CDH12: variants seen among roughly 807,000 people sequenced by gnomAD.
CDH12 encodes the protein cadherin-12.
A neutral mutation model predicts 74.1 loss-of-function variants in CDH12; 41 were observed. The ratio of observed to expected loss-of-function variants is 0.55; its 90% CI spans 0.43 to 0.72. The LOEUF (loss-of-function observed/expected upper bound fraction) is 0.72. Among genes scored for constraint, CDH12 ranks in the 30% least tolerant of loss-of-function variants. CDH12 has a pLI of 0.00. For synonymous variants in CDH12, 399 were observed against 355.0 expected (o/e 1.12, Z -1.39); for missense variants, 945 against 977.2 (o/e 0.97, Z 0.44).
chr5:22,433,495 A>T (rs1561400575), intron 2 of CDH12, among the ~76,000 whole-genome samples: 1 of 152,088 alleles, frequency 6.6e-6, no homozygotes, highest in Non-Finnish European at 1.5e-5. Flanking sequence ...CAATCTGATA[A>T]ATTCAACAGA....
chr5:22,678,693 CT>C (rs1177060012), intron 1 of CDH12, among the ~76,000 whole-genome samples: 4 of 151,986 alleles, frequency 2.6e-5, no homozygotes, highest in African/African-American at 9.7e-5. Context: ...ATTTGAACTT[CT>C]TTAGTACTAG....
chr5:21,940,056 A>G (rs1755261816), intron 6 of CDH12, among the ~76,000 whole-genome samples: 1 of 151,932 alleles, frequency 6.6e-6, no homozygotes, highest in Non-Finnish European at 1.5e-5. Flanking sequence ...CTCCATCTCT[A>G]CTTAAAAAAA....
chr5:22,193,599 T>C (rs1383787489), intron 4 of CDH12, among the ~76,000 whole-genome samples: 1 of 152,160 alleles, frequency 6.6e-6, no homozygotes, highest in Non-Finnish European at 1.5e-5. Flanking sequence ...GAAATTATAG[T>C]TCATTTTTTA....
At chr5:21,776,422 T>C (rs1745592369) in intron 11 of CDH12, among the ~76,000 whole-genome samples, 1 of 151,992 alleles carries the variant, frequency 6.6e-6, no homozygotes, top group South Asian at 2.1e-4. Context: ...ACATAAAGAG[T>C]AGGTTTTTCT....
chr5:22,190,892 A>C (rs1376358132), intron 4 of CDH12, among the ~76,000 whole-genome samples: 1 of 152,176 alleles, frequency 6.6e-6, no homozygotes, highest in Non-Finnish European at 1.5e-5. Flanking sequence ...CTGTTGCCAA[A>C]TGAAGTTCAC....
At chr5:22,086,853 T>G (rs776723852) in intron 4 of CDH12, among the ~76,000 whole-genome samples, 9 of 152,330 alleles carry the variant, frequency 5.9e-5, no homozygotes, top group Non-Finnish European at 1.2e-4. Context: ...CACATCTTTA[T>G]TTTTGTGGTG....
chr5:22,329,368 G>A lies in CDH12; in HGVS notation c.-333+75889C>T, dbSNP rs111930294. Among the ~76,000 whole-genome samples, 144 of 152,256 alleles carry A rather than the reference G, an allele frequency of 9.5e-4. 2 individuals are homozygous for A. The highest frequency in any genetic ancestry group is 3.2e-3 in the African/African-American group (132 of 41,564). On this transcript the variant is annotated intron_variant, in intron 3 of 14. Transcript: ENST00000382254. ...AAAGTAAAAAGCTACAATGCTTCTT[G>A]AGTCACACAATTATTCAATCTCCGA...
intron 2 of CDH12, among the ~76,000 whole-genome samples, chr5:22,411,406 A>T (rs1440314050): frequency 6.6e-6 from 1 of 151,940 alleles, no homozygotes; most frequent in African/African-American, 2.4e-5. Flanking sequence ...AGTAAATGGT[A>T]GGAAAGAGGT....
chr5:22,065,510 G>C (rs1258118160), intron 5 of CDH12, among the ~76,000 whole-genome samples: 19 of 152,118 alleles, frequency 1.2e-4, no homozygotes, highest in Admixed American at 5.9e-4. Flanking sequence ...AATGTGAAAT[G>C]TCACAACTTT....
intron 3 of CDH12, among the ~76,000 whole-genome samples, chr5:22,298,482 C>G (rs1274281785): frequency 2.6e-5 from 4 of 152,008 alleles, no homozygotes; most frequent in Admixed American, 2.6e-4. Context: ...TGGCTTTCTA[C>G]TTTCTACTCT....
intron 2 of CDH12, among the ~76,000 whole-genome samples, chr5:22,425,073 T>TAGAG (rs1426811834): frequency 9.6e-6 from 1 of 103,786 alleles, no homozygotes; most frequent in Non-Finnish European, 1.8e-5. Flanking sequence ...TATATATATA[T>TAGAG]ATATAGAGAG....
intron 3 of CDH12, among the ~76,000 whole-genome samples, chr5:22,266,470 G>A (rs530069173): frequency 1.3e-5 from 2 of 152,030 alleles, no homozygotes; most frequent in Non-Finnish European, 2.9e-5. Flanking sequence ...ATAGATGGCA[G>A]GATATTGGAA....
At chr5:22,628,428 A>G (rs1738410758) in intron 1 of CDH12, among the ~76,000 whole-genome samples, 1 of 152,124 alleles carries the variant, frequency 6.6e-6, no homozygotes, top group South Asian at 2.1e-4. Flanking sequence ...AAAAATACAC[A>G]TCAATACTAA....
intron 3 of CDH12, among the ~76,000 whole-genome samples, chr5:22,397,233 C>T (rs555257494): frequency 4.6e-5 from 7 of 152,108 alleles, no homozygotes; most frequent in East Asian, 1.9e-4. Flanking sequence ...CTCCTTTCAC[C>T]CTTTCCCAAT....
chr5:22,482,298 G>A (rs998090979), intron 2 of CDH12, among the ~76,000 whole-genome samples: 2 of 151,998 alleles, frequency 1.3e-5, no homozygotes, highest in Non-Finnish European at 2.9e-5. Context: ...ATATTTTCCC[G>A]CCACACAATC....
At chr5:22,707,544 C>T (rs974004790) in intron 1 of CDH12, among the ~76,000 whole-genome samples, 4 of 152,014 alleles carry the variant, frequency 2.6e-5, no homozygotes, top group African/African-American at 9.7e-5. Flanking sequence ...ATGATAATAG[C>T]AACAAGCAAA....
chr5:22,713,394 G>C lies in CDH12; in HGVS notation c.-523+139664C>G, dbSNP rs560109794. Reference sequence around the variant, plus strand: ...TTGACCTCATGATCTGCCCACCTTGGCCTCCGAAACTGCTGGGATTACAGG... The same window carrying C: ...TTGACCTCATGATCTGCCCACCTTGCCCTCCGAAACTGCTGGGATTACAGG... On this transcript the variant is annotated intron_variant, in intron 1 of 14. Transcript: ENST00000382254. Among the ~76,000 whole-genome samples the C allele has an allele frequency of 3.3e-5, 5 of 151,784 alleles. No homozygotes were observed. The South Asian group carries it at 1.0e-3, about 32-fold the overall frequency.
intron 2 of CDH12, among the ~76,000 whole-genome samples, chr5:22,466,772 G>GA (rs1430053702): frequency 7.7e-6 from 1 of 129,772 alleles, no homozygotes; most frequent in African/African-American, 2.9e-5. Context: ...GGCTCCTCAG[G>GA]AATCTTTTTT....
At chr5:22,652,792 G>A (rs1166034627) in intron 1 of CDH12, among the ~76,000 whole-genome samples, 1 of 152,036 alleles carries the variant, frequency 6.6e-6, no homozygotes, top group Non-Finnish European at 1.5e-5. Flanking sequence ...AGGGGAAAAA[G>A]GATTTCAAGG....
Sources: gnomAD v4.1 joint callset for allele counts (sites outside exome capture counted in the v4.1 genomes callset) on GRCh38, gnomAD v4.1.1 for gene constraint, MANE v1.5 for transcripts, NCBI Gene and HGNC (gene_info 2026-07-23, HGNC 2026-07-21) for gene names.